The following NSD1 variants were observed in gnomAD, a reference collection of about 807,000 sequenced individuals.
NSD1 encodes nuclear receptor binding SET domain protein 1.
NSD1 carries 26 observed loss-of-function variants against 242.7 expected under a neutral mutation model. The ratio of observed to expected loss-of-function variants is 0.11; its 90% CI spans 0.08 to 0.15. The LOEUF is 0.15. NSD1 is among the 10% of genes least tolerant of loss of function. The pLI is 1.00. For missense variants in NSD1, 2,495 were observed against 3,272.8 expected (o/e 0.76, Z 5.80); for synonymous variants, 1,106 against 1,178.1 (o/e 0.94, Z 1.25).
At chr5:177,241,170 A>C (rs754590518) in intron 8 of NSD1, among the ~76,000 whole-genome samples, 1 of 151,902 alleles carries the variant, frequency 6.6e-6, no homozygotes, top group Non-Finnish European at 1.5e-5. Flanking sequence ...CCCCATATTG[A>C]TGTCCAGTTG....
At chr5:177,158,736 C>T (rs911011160) in intron 2 of NSD1, among the ~76,000 whole-genome samples, 1 of 145,860 alleles carries the variant, frequency 6.9e-6, no homozygotes, top group African/African-American at 2.6e-5. Context: ...GTGGTAGCAT[C>T]GCTTGAGCCC....
intron 15 of NSD1, 72 bp downstream of exon 15, chr5:177,267,790 A>C: frequency 7.0e-7 from 1 of 1,434,492 alleles, no homozygotes; most frequent in South Asian, 1.2e-5. Flanking sequence ...TACAATGCTT[A>C]ACGTATTTCT....
chr5:177,251,680 T>G, intron 11 of NSD1, 50 bp from the exon 12 acceptor site: 1 of 1,606,028 alleles, frequency 6.2e-7, no homozygotes, highest in Non-Finnish European at 8.5e-7. Flanking sequence ...GGTTTTACTC[T>G]TGATTCTCAA....
intron 4 of NSD1, among the ~76,000 whole-genome samples, chr5:177,209,420 T>G (rs552585798): frequency 6.6e-6 from 1 of 151,002 alleles, no homozygotes; most frequent in East Asian, 2.0e-4. Flanking sequence ...TCCCAGCTAC[T>G]CGGGAGGCTG....
chr5:177,295,293 G>T lies in NSD1; in HGVS notation c.7925G>T (p.Gly2642Val). The T allele has an allele frequency of 3.7e-6, 6 of 1,614,240 alleles. No homozygotes were observed. Among genetic ancestry groups the T allele is most frequent in the Non-Finnish European group, 5.1e-6 (6 of 1,180,042 alleles). Reference protein sequence around the residue: ...SRAGLWPIVAGQTLAQSCWSA... With the variant: ...SRAGLWPIVAVQTLAQSCWSA... ...GCAGGGCTCTGGCCCATAGTGGCTG[G>T]ACAGACACTGGCACAGTCTTGCTGG... is the stretch of plus-strand genomic sequence containing the variant. Residue 2642 changes from glycine (G) to valine (V), a missense_variant, in exon 23 of 23, where the codon GGA becomes GTA. Physicochemically the swap from Gly to Val is moderately radical, Grantham distance 109. Around this residue, in one of 19 missense-constraint regions of NSD1, gnomAD observed 475 missense variants for 563.7 expected, o/e 0.84. Transcript: ENST00000439151. The surrounding 1 kb of genome is among the most constrained non-coding windows in gnomAD (Gnocchi z 4.3).
At chr5:177,146,483 C>T (rs1757257215) in intron 2 of NSD1, among the ~76,000 whole-genome samples, 1 of 151,960 alleles carries the variant, frequency 6.6e-6, no homozygotes, top group African/African-American at 2.4e-5. Flanking sequence ...GGATTACAGG[C>T]TTGAGCCACC....
intron 13 of NSD1, among the ~76,000 whole-genome samples, 197 bp from the exon 14 acceptor site, chr5:177,259,792 C>T (rs997180470): frequency 2.6e-5 from 4 of 152,084 alleles, no homozygotes; most frequent in African/African-American, 9.7e-5. Context: ...GGATTTGATT[C>T]CTTTTGGAGA....
At chr5:177,226,314 C>T (rs539849093) in intron 5 of NSD1, among the ~76,000 whole-genome samples, 1 of 152,206 alleles carries the variant, frequency 6.6e-6, no homozygotes, top group African/African-American at 2.4e-5. Flanking sequence ...GGATTACATG[C>T]GTGAGCCACC....
intron 4 of NSD1, among the ~76,000 whole-genome samples, chr5:177,207,188 C>T (rs13170697): frequency 0.23 from 35,436 of 151,930 alleles, 5,521 homozygotes; most frequent in Middle Eastern, 0.36. Flanking sequence ...CCCCCGCCAT[C>T]CCCCCGACCT....
At chr5:177,264,898 A>G in intron 14 of NSD1, 1 of 775,706 alleles carries the variant, frequency 1.3e-6, no homozygotes, top group South Asian at 1.3e-5. Context: ...CATCAAAGGA[A>G]TGGGTACTCT....
At chr5:177,200,459 G>C (rs967706881) in intron 3 of NSD1, among the ~76,000 whole-genome samples, 7 of 152,042 alleles carry the variant, frequency 4.6e-5, no homozygotes, top group Admixed American at 4.6e-4. Flanking sequence ...TTTCAAGTAG[G>C]CAGTTCAGTA....
intron 2 of NSD1, among the ~76,000 whole-genome samples, chr5:177,184,427 C>G (rs1301350580): frequency 1.3e-5 from 2 of 152,054 alleles, no homozygotes; most frequent in Non-Finnish European, 2.9e-5. Flanking sequence ...TGAGTAATTT[C>G]TATTCAGATT....
chr5:177,227,683 C>T (rs1019455225), intron 5 of NSD1, among the ~76,000 whole-genome samples: 14 of 152,088 alleles, frequency 9.2e-5, no homozygotes, highest in African/African-American at 2.9e-4. Flanking sequence ...CAGGTGATCC[C>T]GCTCGCCTTG....
At chr5:177,281,330 A>G (rs933084551) in intron 18 of NSD1, among the ~76,000 whole-genome samples, 5 of 90,154 alleles carry the variant, frequency 5.5e-5, no homozygotes, top group Admixed American at 1.3e-4. Context: ...AATATTGTAT[A>G]GTCTTTTTTT....
intron 5 of NSD1, among the ~76,000 whole-genome samples, chr5:177,231,744 G>A (rs1165626416): frequency 6.6e-6 from 1 of 151,688 alleles, no homozygotes; most frequent in Non-Finnish European, 1.5e-5. Flanking sequence ...TTTAAAGGAC[G>A]TACCCAAAAT....
chr5:177,167,644 G>T (rs1759323140), intron 2 of NSD1, among the ~76,000 whole-genome samples: 1 of 151,936 alleles, frequency 6.6e-6, no homozygotes, highest in Non-Finnish European at 1.5e-5. Context: ...TTTGATTACT[G>T]TAGCTGAATT....
At chr5:177,177,070 T>C (rs557244341) in intron 2 of NSD1, among the ~76,000 whole-genome samples, 4 of 152,234 alleles carry the variant, frequency 2.6e-5, no homozygotes, top group Non-Finnish European at 5.9e-5. Flanking sequence ...TGCTATGCAC[T>C]GTTTTGTTTT....
At position 177,242,072 on chromosome 5, in the gene NSD1, G is replaced by A. The variant is rs532536606; in HGVS notation, c.4303-2123G>A. On this transcript the variant is annotated intron_variant, in intron 8 of 22. Coordinates refer to ENST00000439151, the MANE Select transcript of NSD1 (RefSeq NM_022455.5). ...TGATTTTTATTCATATGGTATGATT[G>A]TTGTGTGTGTGCATGTGTGTGTGTG... is the stretch of plus-strand genomic sequence containing the variant. Among the ~76,000 whole-genome samples, 8 of 152,084 alleles carry A rather than the reference G, an allele frequency of 5.3e-5. No individual in the cohort carries two copies. The South Asian group carries it at 1.5e-3, about 28-fold the overall frequency.
Position 177,211,645 on chromosome 5 carries a change from A to G in NSD1, c.3246A>G (p.Ala1082=). 2 of 1,614,216 alleles carry G rather than the reference A, an allele frequency of 1.2e-6. No homozygotes were observed. The highest frequency in any genetic ancestry group is 2.2e-5 in the South Asian group (2 of 91,082). The change falls in exon 5 of 23, where the codon GCA becomes GCG. Residue 1082 remains alanine (A), a synonymous_variant. Coordinates refer to ENST00000439151, the MANE Select transcript of NSD1 (RefSeq NM_022455.5). ...RERGGSLRGG[A]EDPSKEDPLQ... ...GTGGAGGTTCATTGAGAGGTGGGGC[A>G]GAAGATCCTAGTAAAGAGGATCCCC...
Sources: allele counts gnomAD v4.1 joint callset (sites outside exome capture counted in the v4.1 genomes callset), GRCh38; gene constraint gnomAD v4.1.1; regional missense constraint gnomAD v4.1.1; non-coding constraint Gnocchi (gnomAD v3.1); transcripts MANE v1.5; gene names NCBI Gene and HGNC (gene_info 2026-07-23, HGNC 2026-07-21).